XRCC4: variants seen among roughly 807,000 people sequenced by gnomAD.
The protein encoded by XRCC4 is DNA repair protein XRCC4.
XRCC4 carries 28 observed loss-of-function variants against 39.1 expected under a neutral mutation model. The ratio of observed to expected loss-of-function variants is 0.72; its 90% CI spans 0.53 to 0.98. The LOEUF is 0.98. XRCC4 is among the 50% of genes least tolerant of loss of function. XRCC4 has a pLI of 0.00. For missense variants in XRCC4, 350 were observed against 376.4 expected (o/e 0.93, Z 0.58); for synonymous variants, 123 against 126.4 (o/e 0.97, Z 0.18).
At position 83,310,821 on chromosome 5, in the gene XRCC4, C is replaced by G. The variant is rs757392252; in HGVS notation, c.894-42310C>G. On this transcript the variant is annotated intron_variant, in intron 7 of 7. Transcript: ENST00000396027. ...AAGAAGGAGACTTCAGAGAAAGAGG[C>G]CGTGTGATGGAAGCAAAATCAGAGA... is the stretch of plus-strand genomic sequence containing the variant. 2.1e-4 allele frequency: 95 copies of G among 456,500 alleles called. 2 individuals are homozygous for G. Among genetic ancestry groups the G allele is most frequent in the South Asian group, 1.5e-3 (94 of 64,560 alleles). The allele number at this position is 456,500 out of a possible 1,614,324, so 28.3% of individuals were successfully genotyped here.
intron 3 of XRCC4, among the ~76,000 whole-genome samples, chr5:83,182,909 G>A (rs1412857880): frequency 6.6e-6 from 1 of 152,190 alleles, no homozygotes; most frequent in Non-Finnish European, 1.5e-5. Flanking sequence ...ACTGTGAGCA[G>A]TTAAGTTCTG....
chr5:83,344,128 T>TCACACA (rs10642662), intron 7 of XRCC4, among the ~76,000 whole-genome samples: 2,588 of 134,820 alleles, frequency 0.019, 55 homozygotes, highest in East Asian at 0.067. Flanking sequence ...CTGACACAGA[T>TCACACA]CTCACACACA....
At chr5:83,357,314 G>C (rs1757201381), downstream of XRCC4, among the ~76,000 whole-genome samples, 1 of 152,166 alleles carries the variant, frequency 6.6e-6, no homozygotes. Context: ...GGATTGCATT[G>C]AGTTTTACAC....
rs1349401189 is a variant in XRCC4, at chr5:83,148,577, T to TCATTTCTTACTTTCTTTCTGGAAA, written c.315+37374_315+37375insCATTTCTTACTTTCTTTCTGGAAA. On this transcript the variant is annotated intron_variant, in intron 3 of 7. Transcript: ENST00000396027. ...TAATTCTGAGTTTGTGAACCAGATA[T>TCATTTCTTACTTTCTTTCTGGAAA]GACATCATTCACTATCCATTTATAG... 3.5e-4 allele frequency among the ~76,000 whole-genome samples: 53 copies of TCATTTCTTACTTTCTTTCTGGAAA among 152,338 alleles called. 1 individual carries two copies. Among genetic ancestry groups the TCATTTCTTACTTTCTTTCTGGAAA allele is most frequent in the Admixed American group, 3.1e-3 (48 of 15,302 alleles).
chr5:83,086,749 G>C (rs1745200321), intron 1 of XRCC4, among the ~76,000 whole-genome samples: 1 of 151,984 alleles, frequency 6.6e-6, no homozygotes, highest in Non-Finnish European at 1.5e-5. Flanking sequence ...CTGTGTATGT[G>C]CCTTAATTTA....
intron 7 of XRCC4, among the ~76,000 whole-genome samples, chr5:83,296,829 T>A (rs1299389285): frequency 6.6e-6 from 1 of 151,664 alleles, no homozygotes; most frequent in Non-Finnish European, 1.5e-5. Flanking sequence ...AAATAGAGAT[T>A]ACTATGACCA....
chr5:83,369,001 A>G, the XRCC4 span, among the ~76,000 whole-genome samples: 2 of 152,306 alleles, frequency 1.3e-5, no homozygotes, highest in South Asian at 2.1e-4. Context: ...CTCTAATAGC[A>G]CAGCAAGGCA....
At chr5:83,242,844 A>C (rs1243707225) in intron 6 of XRCC4, among the ~76,000 whole-genome samples, 1 of 152,166 alleles carries the variant, frequency 6.6e-6, no homozygotes. Context: ...TAGTTTACTC[A>C]CAACAAAAAT....
chr5:83,365,873 CTA>C, the XRCC4 span, among the ~76,000 whole-genome samples: 1 of 152,180 alleles, frequency 6.6e-6, no homozygotes, highest in Non-Finnish European at 1.5e-5. Context: ...AATAGATATA[CTA>C]TGTCTTCCCT....
At chr5:83,290,011 T>A (rs1754862494) in intron 7 of XRCC4, among the ~76,000 whole-genome samples, 1 of 151,832 alleles carries the variant, frequency 6.6e-6, no homozygotes, top group Non-Finnish European at 1.5e-5. Context: ...TAGTCTACAT[T>A]AAGTCTCCAG....
intron 7 of XRCC4, among the ~76,000 whole-genome samples, chr5:83,290,387 G>A (rs1580470776): frequency 6.6e-6 from 1 of 150,710 alleles, no homozygotes; most frequent in Non-Finnish European, 1.5e-5. Context: ...TTCTATTTAA[G>A]AAAATAGAAA....
At chr5:83,263,272 C>T (rs537362126) in intron 7 of XRCC4, among the ~76,000 whole-genome samples, 2 of 151,972 alleles carry the variant, frequency 1.3e-5, no homozygotes, top group African/African-American at 4.8e-5. Flanking sequence ...GGTTCCAAGT[C>T]TTTGCTATTG....
At chr5:83,263,978 G>C (rs530119075) in intron 7 of XRCC4, among the ~76,000 whole-genome samples, 1 of 152,038 alleles carries the variant, frequency 6.6e-6, no homozygotes, top group South Asian at 2.1e-4. Context: ...TATGGTTTTA[G>C]GTCTAACGTT....
intron 6 of XRCC4, among the ~76,000 whole-genome samples, chr5:83,219,724 C>T (rs1397778647): frequency 1.3e-5 from 2 of 152,018 alleles, no homozygotes; most frequent in Non-Finnish European, 2.9e-5. Context: ...ATTTCGAAAA[C>T]CTGCTATGAC....
intron 3 of XRCC4, among the ~76,000 whole-genome samples, chr5:83,177,586 C>T (rs1365474289): frequency 6.6e-6 from 1 of 151,980 alleles, no homozygotes; most frequent in Non-Finnish European, 1.5e-5. Context: ...TATATTGAGA[C>T]TCAATTCATT....
intron 6 of XRCC4, among the ~76,000 whole-genome samples, chr5:83,255,482 A>G (rs968289562): frequency 6.6e-6 from 1 of 152,218 alleles, no homozygotes; most frequent in Non-Finnish European, 1.5e-5. Context: ...ATGAATCATA[A>G]TGTGGTGAAC....
In XRCC4 at chr5:83,220,257, C is replaced by A. The variant is rs183067456; in HGVS notation, c.745+15336C>A. Among the ~76,000 whole-genome samples the A allele has an allele frequency of 8.1e-3, 1,231 of 152,208 alleles. 9 individuals carry two copies. The highest frequency in any genetic ancestry group is 0.011 in the Non-Finnish European group (777 of 68,002). Reference sequence around the variant, plus strand: ...CGTGTTCATTGTCCCTGTTAAACAGCAAACCATGACTGAGTTCAGACAAAA... The same window carrying A: ...CGTGTTCATTGTCCCTGTTAAACAGAAAACCATGACTGAGTTCAGACAAAA... On this transcript the variant is annotated intron_variant, in intron 6 of 7. Coordinates refer to ENST00000396027, the MANE Select transcript of XRCC4 (RefSeq NM_003401.5).
chr5:83,166,905 G>A (rs1182185178), intron 3 of XRCC4, among the ~76,000 whole-genome samples: 3 of 150,732 alleles, frequency 2.0e-5, no homozygotes, highest in African/African-American at 4.9e-5. Context: ...TTTTTGAGAC[G>A]GAGTCTCACT....
chr5:83,092,379 A>G (rs549503150), intron 1 of XRCC4, among the ~76,000 whole-genome samples: 1 of 152,228 alleles, frequency 6.6e-6, no homozygotes, highest in East Asian at 1.9e-4. Flanking sequence ...TCATTTGTCT[A>G]TCTTTGCTTT....
Sources: allele counts gnomAD v4.1 joint callset (sites outside exome capture counted in the v4.1 genomes callset), GRCh38; gene constraint gnomAD v4.1.1; transcripts MANE v1.5; gene names NCBI Gene and HGNC (gene_info 2026-07-23, HGNC 2026-07-21).